The following PHACTR3 variants were observed in gnomAD, a reference collection of about 807,000 sequenced individuals.
PHACTR3 encodes the protein phosphatase and actin regulator 3, also known as protein phosphatase 1, regulatory subunit 123.
Under a neutral mutation model 66.8 loss-of-function variants are expected in PHACTR3, and 16 were observed. The ratio of observed to expected loss-of-function variants is 0.24; its 90% CI spans 0.16 to 0.36. The LOEUF (loss-of-function observed/expected upper bound fraction) is 0.36. Among genes scored for constraint, PHACTR3 ranks in the 10% least tolerant of loss-of-function variants. The pLI, the probability that PHACTR3 is intolerant of heterozygous loss-of-function variation, is 1.00. For synonymous variants in PHACTR3, 323 were observed against 292.1 expected, an observed-to-expected ratio of 1.11 and a Z score of -1.08; for missense variants, 647 against 719.9, an observed-to-expected ratio of 0.90 and a Z score of 1.16.
At chr20:59,719,875 G>C (rs1399532399) in intron 1 of PHACTR3, among the ~76,000 whole-genome samples, 1 of 152,224 alleles carries the variant, frequency 6.6e-6, no homozygotes, top group African/African-American at 2.4e-5. Flanking sequence ...TCATAGGCCA[G>C]GAAGAAATGG....
intron 7 of PHACTR3, among the ~76,000 whole-genome samples, chr20:59,782,293 C>G (rs906356332): frequency 2.0e-5 from 3 of 152,064 alleles, no homozygotes; most frequent in Non-Finnish European, 4.4e-5. Flanking sequence ...GCTCTGTTGC[C>G]CAGGCTGGAG....
At chr20:59,642,166 G>A (rs570227621) in intron 1 of PHACTR3, among the ~76,000 whole-genome samples, 8 of 152,218 alleles carry the variant, frequency 5.3e-5, no homozygotes, top group African/African-American at 1.4e-4. Context: ...AAGTGGTCAG[G>A]ATTAGAGAGG....
intron 4 of PHACTR3, among the ~76,000 whole-genome samples, chr20:59,760,390 G>T (rs547642832): frequency 1.5e-4 from 23 of 152,280 alleles, no homozygotes; most frequent in African/African-American, 5.1e-4. Context: ...ATCTCATCTT[G>T]AATTGTAGCT....
intron 1 of PHACTR3, among the ~76,000 whole-genome samples, chr20:59,696,356 T>C: frequency 6.6e-6 from 1 of 152,314 alleles, no homozygotes; most frequent in South Asian, 2.1e-4. Flanking sequence ...GCCAGGCTCT[T>C]TCAGGGCTTT....
At chr20:59,591,244 C>T (rs1434491252) in intron 1 of PHACTR3, among the ~76,000 whole-genome samples, 3 of 152,192 alleles carry the variant, frequency 2.0e-5, no homozygotes, top group Non-Finnish European at 4.4e-5. Flanking sequence ...ATCTCATCCT[C>T]TCCGAAGGCA....
chr20:59,668,467 T>A (rs2036073564), intron 1 of PHACTR3, among the ~76,000 whole-genome samples: 2 of 152,166 alleles, frequency 1.3e-5, no homozygotes, highest in Non-Finnish European at 2.9e-5. Context: ...GTCATTGGCC[T>A]TTCTCACAGT....
intron 9 of PHACTR3, among the ~76,000 whole-genome samples, chr20:59,839,357 C>G (rs1212947685): frequency 6.6e-6 from 1 of 152,194 alleles, no homozygotes; most frequent in African/African-American, 2.4e-5. Context: ...ATATATTAAA[C>G]TCTCATATAA....
intron 2 of PHACTR3, among the ~76,000 whole-genome samples, chr20:59,743,812 CTCT>C (rs1463987287): frequency 2.6e-4 from 39 of 152,330 alleles, no homozygotes; most frequent in African/African-American, 7.7e-4. Context: ...CTCTGGGCCT[CTCT>C]TCTTCCTGAA....
chr20:59,767,104 C>A, intron 4 of PHACTR3, 82 bp from the exon 5 acceptor site: 1 of 1,435,530 alleles, frequency 7.0e-7, no homozygotes, highest in Non-Finnish European at 9.6e-7. Flanking sequence ...CCCATCCCAC[C>A]AAACCCTCTT....
At chr20:59,708,351 CCAGCTGGA>C (rs1177827076) in intron 1 of PHACTR3, among the ~76,000 whole-genome samples, 24 of 152,178 alleles carry the variant, frequency 1.6e-4, no homozygotes, top group African/African-American at 5.6e-4. Context: ...TCTCTGGGCA[CCAGCTGGA>C]CCGAGGCACC....
intron 7 of PHACTR3, among the ~76,000 whole-genome samples, chr20:59,804,586 G>T (rs1008935048): frequency 2.6e-5 from 4 of 152,010 alleles, no homozygotes; most frequent in African/African-American, 4.8e-5. Context: ...TGCAGTAAAG[G>T]CCAACTGAAA....
chr20:59,670,186 C>T (rs565523254), intron 1 of PHACTR3, among the ~76,000 whole-genome samples: 3 of 152,196 alleles, frequency 2.0e-5, no homozygotes, highest in East Asian at 1.9e-4. Context: ...TTAATACACA[C>T]CATGATGTCG....
At chr20:59,643,539 CAGG>C (rs1302562942) in intron 1 of PHACTR3, among the ~76,000 whole-genome samples, 2 of 152,178 alleles carry the variant, frequency 1.3e-5, no homozygotes, top group Non-Finnish European at 2.9e-5. Context: ...GCCCTTGCTC[CAGG>C]AGGAGAACAG....
chr20:59,783,189 A>G (rs2040785879), intron 7 of PHACTR3, among the ~76,000 whole-genome samples: 2 of 152,156 alleles, frequency 1.3e-5, no homozygotes, highest in South Asian at 2.1e-4. Flanking sequence ...AGTTGGGGCT[A>G]GAGATTTGAA....
intron 1 of PHACTR3, among the ~76,000 whole-genome samples, chr20:59,586,397 TA>T (rs2033029321): frequency 6.6e-6 from 1 of 152,250 alleles, no homozygotes; most frequent in African/African-American, 2.4e-5. Flanking sequence ...TAATTCACTC[TA>T]ATTCCAGTAA....
chr20:59,833,390 G>A (rs187657343), intron 8 of PHACTR3, among the ~76,000 whole-genome samples: 35 of 152,320 alleles, frequency 2.3e-4, no homozygotes, highest in Non-Finnish European at 3.2e-4. Flanking sequence ...AACATGGTCC[G>A]CGATCAGCTG....
intron 1 of PHACTR3, among the ~76,000 whole-genome samples, chr20:59,607,050 G>T (rs939679893): frequency 2.6e-5 from 4 of 152,208 alleles, no homozygotes; most frequent in Non-Finnish European, 2.9e-5. Flanking sequence ...TTGGGAACTT[G>T]ATGGAGGAAG....
At chr20:59,635,107 CTT>C (rs1176679038) in intron 1 of PHACTR3, among the ~76,000 whole-genome samples, 9 of 59,108 alleles carry the variant, frequency 1.5e-4, no homozygotes, top group Non-Finnish European at 2.4e-4. Context: ...CTCTCTCTTT[CTT>C]TCTTTCTTTC....
chr20:59,610,473 C>A (rs1316085853), intron 1 of PHACTR3, among the ~76,000 whole-genome samples: 1 of 152,254 alleles, frequency 6.6e-6, no homozygotes, highest in Non-Finnish European at 1.5e-5. Context: ...TCACTTGGTA[C>A]TCCTGGAGAT....
Sources: gnomAD v4.1 joint callset for allele counts (sites outside exome capture counted in the v4.1 genomes callset) on GRCh38, gnomAD v4.1.1 for gene constraint, MANE v1.5 for transcripts, NCBI Gene and HGNC (gene_info 2026-07-23, HGNC 2026-07-21) for gene names.